Variants in PKP3 observed in about 807,000 individuals in gnomAD.
PKP3 encodes plakophilin 3, also known as plakophilin-3.
PKP3 carries 66 observed loss-of-function variants against 76.5 expected under a neutral mutation model. The ratio of observed to expected loss-of-function variants is 0.86; its 90% confidence interval spans 0.71 to 1.06. PKP3 has a LOEUF of 1.06. Ranked by LOEUF, PKP3 falls within the 50% of genes least tolerant of loss-of-function variation. The pLI is 0.00. For synonymous variants in PKP3, 638 were observed against 516.5 expected (o/e 1.24, Z -3.19); for missense variants, 1,338 against 1,141.0 (o/e 1.17, Z -2.49).
At chr11:397,853 GCATCACCTCCGTACCCCCACATATACCT>G in intron 4 of PKP3, 191 bp downstream of exon 4, 1 of 599,060 alleles carries the variant, frequency 1.7e-6, no homozygotes, top group South Asian at 2.0e-5. Context: ...AGTATCACCT[GCATCACCTCCGTACCCCCACATATACCT>G]CATCACCTCC....
In PKP3 at chr11:404,722, AC is replaced by A; in HGVS notation, c.*155del. 1 of 664,390 alleles carries A rather than the reference AC, an allele frequency of 1.5e-6. No homozygotes were observed. The highest frequency in any genetic ancestry group is 2.6e-6 in the Non-Finnish European group (1 of 380,704). 41.2% of individuals were successfully genotyped at this position (664,390 alleles called of 1,614,324 possible). The stretch of plus-strand genomic sequence containing the variant: ...TGTGCATCTTTGAGGGTCCTGGGCC[AC>A]CAGGAGGGGCAGGGTCTTATAGCTG... On this transcript the variant is annotated 3_prime_UTR_variant, in exon 13 of 13. Coordinates refer to ENST00000331563, the MANE Select transcript of PKP3 (RefSeq NM_007183.4). This position sits in a 1 kb window ranked among gnomAD's most constrained non-coding sequence, Gnocchi z 4.2.
rs1847068493 is a variant in PKP3 at position 397,435 on chromosome 11, C to T, written c.934C>T (p.Leu312Phe). ...SYGSHRTLQR[L>F]SSGFDDIDLP... is the part of the protein sequence containing the mutation. The stretch of plus-strand genomic sequence containing the variant: ...CGGTAGCCACCGAACCCTGCAGAGA[C>T]TCAGCAGCGGGTGAGCGGCTGGGCC... Residue 312 changes from leucine (L) to phenylalanine (F), a missense_variant, in exon 3 of 13, where the codon CTC becomes TTC. Transcript: ENST00000331563. 1 of 1,612,336 alleles carries T rather than the reference C, an allele frequency of 6.2e-7. No individual in the cohort carries two copies. The highest frequency in any genetic ancestry group is 8.5e-7 in the Non-Finnish European group (1 of 1,179,752).
At chr11:398,212 C>A (rs112136352) in intron 4 of PKP3, among the ~76,000 whole-genome samples, 29 of 80,642 alleles carry the variant, frequency 3.6e-4, no homozygotes, top group East Asian at 1.7e-3. Context: ...ACCTCCGTAC[C>A]CCCGCACACA....
At position 396,854 on chromosome 11, in the gene PKP3, C is replaced by A. The variant is rs759038384; in HGVS notation, c.353C>A (p.Ser118Tyr). 1.9e-6 allele frequency: 3 copies of A among 1,600,434 alleles called. No individual in the cohort carries two copies. Among genetic ancestry groups the A allele is most frequent in the Non-Finnish European group, 2.5e-6 (3 of 1,176,980 alleles). ...PIAKPAYSPA[S>Y]WSSRSAVDLS... is the part of the protein sequence containing the mutation. ...GCCAAGCCGGCCTACAGCCCAGCCT[C>A]CTGGTCCTCCCGCTCCGCCGTGGAT... Residue 118 changes from serine (S) to tyrosine (Y), a missense_variant, in exon 3 of 13, where the codon TCC becomes TAC. Physicochemically the swap from Ser to Tyr is moderately radical, Grantham distance 144. Coordinates refer to ENST00000331563, the MANE Select transcript of PKP3 (RefSeq NM_007183.4).
upstream of PKP3, chr11:394,117 TG>T: frequency 2.0e-6 from 2 of 1,010,060 alleles, no homozygotes; most frequent in Non-Finnish European, 2.7e-6. Context: ...CCCTCCCACC[TG>T]GCCAGGTGTC....
chr11:396,948 G>T lies in PKP3; in HGVS notation c.447G>T (p.Gly149=). The change falls in exon 3 of 13, where the codon GGG becomes GGT. Residue 149 remains glycine (G), a synonymous_variant. Transcript: ENST00000331563. The part of the protein sequence containing the change: ...GGSAFGAAGY[G]GAQPTPPMPT... ...GCGCCTTTGGGGCCGCTGGGTACGG[G>T]GGTGCCCAGCCCACCCCTCCCATGC... 1 of 1,597,106 alleles carries T rather than the reference G, an allele frequency of 6.3e-7. No individual in the cohort carries two copies. The highest frequency in any genetic ancestry group is 1.7e-5 in the Admixed American group (1 of 59,280).
Position 400,557 on chromosome 11 carries a change from T to C in PKP3, c.1589T>C (p.Val530Ala). ...EDKSVENAVC[V>A]LRNLSYRLYD... ...CAGAGCGTGGAGAACGCGGTGTGCGTCCTGCGGAACCTGTCCTACCGCCTC... is the reference window on the plus strand; with the variant it reads ...CAGAGCGTGGAGAACGCGGTGTGCGCCCTGCGGAACCTGTCCTACCGCCTC... Residue 530 changes from valine (V) to alanine (A), a missense_variant, in exon 8 of 13, where the codon GTC becomes GCC. Val to Ala is a moderately conservative substitution (Grantham distance 64). Transcript: ENST00000331563. 6.7e-7 allele frequency: 1 copy of C among 1,494,806 alleles called. No individual in the cohort carries two copies. Among genetic ancestry groups the C allele is most frequent in the Middle Eastern group, 2.3e-4 (1 of 4,382 alleles). 92.6% of individuals were successfully genotyped at this position (1,494,806 alleles called of 1,614,324 possible).
intron 4 of PKP3, 99 bp downstream of exon 4, chr11:397,761 C>A (rs1847074761): frequency 1.6e-6 from 2 of 1,246,094 alleles, no homozygotes. Context: ...CCCTCATGAT[C>A]CCCAAGCTGA....
In PKP3 at chr11:400,006, A is replaced by G; in HGVS notation, c.1313A>G (p.Asp438Gly). 6.2e-7 allele frequency: 1 copy of G among 1,606,884 alleles called. No individual in the cohort carries two copies. The highest frequency in any genetic ancestry group is 2.2e-5 in the East Asian group (1 of 44,698). Residue 438 changes from aspartate to glycine, a missense_variant, in exon 6 of 13, where the codon GAC (aspartate) becomes GGC (glycine). Transcript: ENST00000331563. ...CTTTCATCCAGCGACCACCTGAAGG[A>G]CCGCCTGGCCAGAGACACGCTGGAG... ...WNLSSSDHLKDRLARDTLEQL... is the reference protein window; with the variant it reads ...WNLSSSDHLKGRLARDTLEQL...
At chr11:399,920 AG>A (rs1847120926) in intron 5 of PKP3, 46 bp from the exon 6 acceptor site, 1 of 1,485,506 alleles carries the variant, frequency 6.7e-7, no homozygotes, top group Non-Finnish European at 9.1e-7. Flanking sequence ...AGAAACGCGG[AG>A]GGGGTTGGAG....
intron 6 of PKP3, 41 bp downstream of exon 6, chr11:400,182 G>T: frequency 6.8e-7 from 1 of 1,472,518 alleles, no homozygotes; most frequent in East Asian, 2.4e-5. Context: ...TTGCAGGCGC[G>T]GGTCACTGTG....
In PKP3 at chr11:397,544, A is replaced by G; in HGVS notation, c.950A>G (p.Asp317Gly). Residue 317 changes from aspartate to glycine, a missense_variant, in exon 4 of 13, where the codon GAT becomes GGT. Transcript: ENST00000331563. ...CCTGACCCCTGGCTCCGCAGTTTTG[A>G]TGACATTGACCTGCCCTCAGCAGTC... ...RTLQRLSSGF[D>G]DIDLPSAVKY... The G allele has an allele frequency of 6.2e-7, 1 of 1,612,130 alleles. No individual in the cohort carries two copies.
At chr11:399,687 T>C (rs1847117663) in intron 5 of PKP3, among the ~76,000 whole-genome samples, 1 of 149,518 alleles carries the variant, frequency 6.7e-6, no homozygotes, top group Non-Finnish European at 1.5e-5. Flanking sequence ...CCCGCCTCTT[T>C]CCTGGACCCC....
intron 5 of PKP3, 141 bp downstream of exon 5, chr11:399,337 C>T: frequency 3.3e-6 from 1 of 306,430 alleles, no homozygotes; most frequent in Non-Finnish European, 5.6e-6. Context: ...GCCACCTGCC[C>T]CCCTACTCCT....
rs142209701 is a variant in PKP3, at chr11:397,588, G to C, written c.994G>C (p.Asp332His). The change falls in exon 4 of 13, where the codon GAC becomes CAC. Residue 332 changes from aspartate (D) to histidine (H), a missense_variant. Coordinates refer to ENST00000331563, the MANE Select transcript of PKP3 (RefSeq NM_007183.4). ...PSAVKYLMAS[D>H]PNLQVLGAAY... ...AGCAGTCAAGTACCTCATGGCTTCA[G>C]ACCCCAACCTGCAGGTGCTGGGAGC... 1.9e-6 allele frequency: 3 copies of C among 1,612,152 alleles called. No individual in the cohort carries two copies. The highest frequency in any genetic ancestry group is 2.5e-6 in the Non-Finnish European group (3 of 1,179,558).
chr11:394,564 G>A, intron 1 of PKP3, 40 bp downstream of exon 1: 1 of 1,339,946 alleles, frequency 7.5e-7, no homozygotes, highest in African/African-American at 1.5e-5. Flanking sequence ...CGGTGGCGGG[G>A]AGAGGTGGCT....
rs540660378 is a variant in PKP3 at position 397,534 on chromosome 11, C to T, written c.945-5C>T. 35 of 1,612,178 alleles carry T rather than the reference C, an allele frequency of 2.2e-5. No homozygotes were observed. The highest frequency in any genetic ancestry group is 1.7e-4 in the Middle Eastern group (1 of 6,056). On this transcript the variant is annotated splice_region_variant and splice_polypyrimidine_tract_variant and intron_variant, in intron 3 of 12. Transcript: ENST00000331563. ...TAGCCTGACCCCTGACCCCTGGCTC[C>T]GCAGTTTTGATGACATTGACCTGCC...
chr11:394,544 G>C lies in PKP3; in HGVS notation c.232+20G>C. The C allele has an allele frequency of 7.4e-7, 1 of 1,359,072 alleles. No homozygotes were observed. The highest frequency in any genetic ancestry group is 9.4e-7 in the Non-Finnish European group (1 of 1,061,158). The allele number at this position is 1,359,072 out of a possible 1,614,324, so 84.2% of individuals were successfully genotyped here. On this transcript the variant is annotated intron_variant, in intron 1 of 12. Transcript: ENST00000331563. ...CCAGAGGTAGGCGGTGGGGACAGCG[G>C]CGGGGATGGCGGTGGCGGGGAGAGG... is the stretch of plus-strand genomic sequence containing the variant.
intron 4 of PKP3, 40 bp downstream of exon 4, chr11:397,702 C>T (rs748219506): frequency 6.3e-7 from 1 of 1,595,870 alleles, no homozygotes; most frequent in Non-Finnish European, 8.5e-7. Context: ...CCCTGGTGAC[C>T]TCCTTCGTGG....
Sources: allele counts gnomAD v4.1 joint callset (sites outside exome capture counted in the v4.1 genomes callset), GRCh38; gene constraint gnomAD v4.1.1; non-coding constraint Gnocchi (gnomAD v3.1); transcripts MANE v1.5; gene names NCBI Gene and HGNC (gene_info 2026-07-23, HGNC 2026-07-21).